The following NBPF9 variants were observed in gnomAD, a reference collection of about 807,000 sequenced individuals.
The protein encoded by NBPF9 is NBPF family member NBPF9.
In NBPF9, 91 loss-of-function variants were observed where a neutral mutation model predicts 97.8. The ratio of observed to expected loss-of-function variants is 0.93; its 90% CI spans 0.79 to 1.11. The LOEUF is 1.11. Ranked by LOEUF, NBPF9 falls within the 50% of genes least tolerant of loss-of-function variation. The pLI is 0.00. For missense variants in NBPF9, 992 were observed against 939.5 expected (o/e 1.06, Z -0.73); for synonymous variants, 334 against 359.5 (o/e 0.93, Z 0.80).
chr1:149,059,522 A>T (rs200895603), intron 25 of NBPF9, 178 bp downstream of exon 25: 1 of 414,666 alleles, frequency 2.4e-6, no homozygotes, highest in Admixed American at 4.1e-5. Flanking sequence ...TTAGGAAATG[A>T]TAAGGGGAGG....
chr1:149,084,216 G>A (rs1254651862), intron 5 of NBPF9, among the ~76,000 whole-genome samples: 1 of 143,438 alleles, frequency 7.0e-6, no homozygotes, highest in Non-Finnish European at 1.5e-5. Context: ...CGAGTTAATG[G>A]GTGCAGCAAA....
chr1:149,100,555 A>G (rs1332941324), intron 3 of NBPF9, among the ~76,000 whole-genome samples: 10 of 151,450 alleles, frequency 6.6e-5, no homozygotes, highest in Non-Finnish European at 5.9e-5. Context: ...CCGATTTAAG[A>G]AAAAAAGTGC....
chr1:149,080,767 T>C (rs1266070159), intron 7 of NBPF9, among the ~76,000 whole-genome samples: 1 of 102,934 alleles, frequency 9.7e-6, no homozygotes, highest in African/African-American at 4.0e-5. Context: ...GTTGTGTTAA[T>C]TTAGAAACAT....
intron 4 of NBPF9, among the ~76,000 whole-genome samples, chr1:149,097,163 G>A (rs1387255014): frequency 4.0e-5 from 6 of 151,618 alleles, no homozygotes; most frequent in African/African-American, 1.5e-4. Flanking sequence ...AAGAGTGGGA[G>A]AGAAGTAGGG....
chr1:149,070,197 T>A (rs1575835379), intron 16 of NBPF9, among the ~76,000 whole-genome samples: 1 of 150,972 alleles, frequency 6.6e-6, no homozygotes, highest in Non-Finnish European at 1.5e-5. Context: ...GTTGTGCACC[T>A]GTGGTCCTAG....
chr1:149,103,128 C>G lies in NBPF9; in HGVS notation c.-843+173G>C, dbSNP rs587649002. On this transcript the variant is annotated intron_variant, in intron 1 of 29. Coordinates refer to ENST00000584027, the Ensembl canonical transcript of NBPF9. ...CGGGCGGCAGCGGCAAGCGAGGAAT[C>G]GAACGCATGGAACTTAAGCCCCGGC... is the stretch of plus-strand genomic sequence containing the variant. Among the ~76,000 whole-genome samples, 211 of 152,036 alleles carry G rather than the reference C, an allele frequency of 1.4e-3. 4 individuals carry two copies. The highest frequency in any genetic ancestry group is 4.7e-3 in the African/African-American group (196 of 41,552).
chr1:149,082,783 T>C (rs1311591423), intron 5 of NBPF9, among the ~76,000 whole-genome samples: 1 of 141,752 alleles, frequency 7.1e-6, no homozygotes, highest in African/African-American at 2.6e-5. Flanking sequence ...TTGTTTTGAC[T>C]TTTTTTTTTT....
chr1:149,099,519 G>T (rs2082006382), intron 3 of NBPF9, among the ~76,000 whole-genome samples: 1 of 152,084 alleles, frequency 6.6e-6, no homozygotes, highest in African/African-American at 2.4e-5. Context: ...CAAGTACTGA[G>T]AATACAATGG....
rs1383329060 is a variant in NBPF9, at chr1:149,060,042, T to C, written c.2477-234A>G. 8.5e-6 allele frequency: 3 copies of C among 352,914 alleles called. 1 individual carries two copies. Among genetic ancestry groups the C allele is most frequent in the South Asian group, 6.7e-5 (2 of 29,722 alleles). 21.9% of individuals were successfully genotyped at this position (352,914 alleles called of 1,614,324 possible). Reference sequence around the variant, plus strand: ...CTAGTAGATCGTTATCCCAATATCATTGGTCCCAAATTTGTGCAAACAGTT... The same window carrying C: ...CTAGTAGATCGTTATCCCAATATCACTGGTCCCAAATTTGTGCAAACAGTT... On this transcript the variant is annotated intron_variant, in intron 24 of 29. Transcript: ENST00000584027.
chr1:149,081,308 T>C (rs1199541057), intron 7 of NBPF9, among the ~76,000 whole-genome samples: 9 of 152,128 alleles, frequency 5.9e-5, no homozygotes, highest in South Asian at 2.1e-4. Flanking sequence ...TTAGTGGAGA[T>C]GGGGTTTCTC....
chr1:149,084,619 T>A (rs1336597236), intron 5 of NBPF9, among the ~76,000 whole-genome samples: 1 of 150,878 alleles, frequency 6.6e-6, no homozygotes, highest in African/African-American at 2.4e-5. Flanking sequence ...CACCTCCATC[T>A]ACAGCCTCGT....
intron 5 of NBPF9, among the ~76,000 whole-genome samples, chr1:149,082,957 C>CTTTTTTTATTTTTTTTTTTTT (rs2080628789): frequency 1.5e-5 from 1 of 66,470 alleles, no homozygotes; most frequent in Non-Finnish European, 2.6e-5. Flanking sequence ...TTTTTCTTTT[C>CTTTTTTTATTTTTTTTTTTTT]TTTTTTTTTT....
intron 15 of NBPF9, 45 bp from the exon 16 acceptor site, chr1:149,071,184 A>C (rs782205785): frequency 7.8e-7 from 1 of 1,279,638 alleles, no homozygotes; most frequent in Non-Finnish European, 1.1e-6. Flanking sequence ...TTAAACACAG[A>C]GGGATTGGAC....
At chr1:149,075,094 G>A (rs1553653960) in intron 12 of NBPF9, among the ~76,000 whole-genome samples, 3 of 151,374 alleles carry the variant, frequency 2.0e-5, no homozygotes, top group African/African-American at 7.3e-5. Context: ...ACAGGAGTGA[G>A]CCACCATGCA....
chr1:149,073,319 G>T (rs322069), intron 13 of NBPF9, among the ~76,000 whole-genome samples: 9,021 of 135,346 alleles, frequency 0.067, 597 homozygotes, highest in East Asian at 0.37. Flanking sequence ...TGAGGCCAGG[G>T]GCAGATGGGG....
chr1:149,057,740 C>CAAACACACAA (rs1575821130), intron 27 of NBPF9, among the ~76,000 whole-genome samples: 2 of 98,346 alleles, frequency 2.0e-5, no homozygotes, highest in Non-Finnish European at 4.4e-5. Flanking sequence ...CACACACACA[C>CAAACACACAA]ACACACACAC....
intron 4 of NBPF9, among the ~76,000 whole-genome samples, chr1:149,096,061 C>T (rs868933606): frequency 0.014 from 1,987 of 146,640 alleles, 1 homozygote; most frequent in African/African-American, 0.051. Flanking sequence ...CATGAAAAGA[C>T]GTGGAGGAAC....
exon 30 of NBPF9, chr1:149,055,421 A>G: frequency 1.4e-6 from 1 of 690,948 alleles, no homozygotes; most frequent in Non-Finnish European, 2.4e-6. Flanking sequence ...TGTCTGACTG[A>G]TCACTCCCGG....
intron 5 of NBPF9, among the ~76,000 whole-genome samples, chr1:149,085,140 TG>T (rs1481610173): frequency 5.3e-5 from 8 of 152,006 alleles, no homozygotes; most frequent in African/African-American, 1.7e-4. Flanking sequence ...CAAAACCACA[TG>T]GGCTGGGGGC....
Sources: gnomAD v4.1 joint callset for allele counts (sites outside exome capture counted in the v4.1 genomes callset) on GRCh38, gnomAD v4.1.1 for gene constraint, MANE v1.5 for transcripts, NCBI Gene and HGNC (gene_info 2026-07-23, HGNC 2026-07-21) for gene names.